Variants in DPP6 observed in about 807,000 individuals in gnomAD.
DPP6 encodes the protein A-type potassium channel modulatory protein DPP6.
Under a neutral mutation model 122.6 loss-of-function variants are expected in DPP6, and 69 were observed. That is an observed-to-expected ratio of 0.56 (90% CI 0.46 to 0.69). The LOEUF (loss-of-function observed/expected upper bound fraction) is 0.69, where lower values mean the gene tolerates loss of function less well. Among genes scored for constraint, DPP6 ranks in the 30% least tolerant of loss-of-function variants. The pLI is 0.00. For missense variants in DPP6, 928 were observed against 1,116.9 expected, an observed-to-expected ratio of 0.83 and a Z score of 2.41; for synonymous variants, 418 against 433.1, an observed-to-expected ratio of 0.97 and a Z score of 0.43.
At chr7:154,405,640 A>AGT (rs1816024078) in intron 1 of DPP6, among the ~76,000 whole-genome samples, 1 of 152,074 alleles carries the variant, frequency 6.6e-6, no homozygotes, top group Admixed American at 6.6e-5. Context: ...GAACAGGGCC[A>AGT]GGCAGTGTGA....
chr7:154,385,000 A>G (rs980468228), intron 1 of DPP6, among the ~76,000 whole-genome samples: 1 of 152,094 alleles, frequency 6.6e-6, no homozygotes, highest in Admixed American at 6.6e-5. Context: ...TTTGAGAGGG[A>G]GTCTCGCTCT....
rs1803628972 is a variant in DPP6, at chr7:154,863,876, A to C, written c.1715-4119A>C. Among the ~76,000 whole-genome samples, 1 of 152,152 alleles carries C rather than the reference A, an allele frequency of 6.6e-6. No individual in the cohort carries two copies. The highest frequency in any genetic ancestry group is 1.5e-5 in the Non-Finnish European group (1 of 68,034). ...AGGTGAGTAAGTTTAAACAGTAGTCATGCGGGCTCTGGGCCTGAATCTGGT... is the reference window on the plus strand; with the variant it reads ...AGGTGAGTAAGTTTAAACAGTAGTCCTGCGGGCTCTGGGCCTGAATCTGGT... On this transcript the variant is annotated intron_variant, in intron 17 of 25. Coordinates refer to ENST00000377770, the MANE Select transcript of DPP6 (RefSeq NM_130797.4). The surrounding 1 kb of genome is among the most constrained non-coding windows in gnomAD (Gnocchi z 4.1).
chr7:153,984,590 TACAG>T (rs1240600725), intron 1 of DPP6, among the ~76,000 whole-genome samples: 13 of 151,012 alleles, frequency 8.6e-5, no homozygotes, highest in African/African-American at 3.2e-4. Flanking sequence ...CCTATGGAAA[TACAG>T]ACTCCTGTTC....
intron 13 of DPP6, among the ~76,000 whole-genome samples, chr7:154,802,661 C>T (rs1034189881): frequency 2.0e-5 from 3 of 152,086 alleles, no homozygotes; most frequent in Non-Finnish European, 4.4e-5. Flanking sequence ...GAGTTCAAGA[C>T]CAGTGGCCAA....
At chr7:154,408,571 T>TG (rs1816317835) in intron 1 of DPP6, among the ~76,000 whole-genome samples, 1 of 152,194 alleles carries the variant, frequency 6.6e-6, no homozygotes, top group Admixed American at 6.5e-5. Context: ...TACTTTTCTG[T>TG]GGCACATTAG....
At chr7:154,325,480 A>T (rs76820731) in intron 1 of DPP6, among the ~76,000 whole-genome samples, 5 of 152,200 alleles carry the variant, frequency 3.3e-5, no homozygotes, top group Non-Finnish European at 7.3e-5. Context: ...TTCAAATACA[A>T]GCTGGGTCTT....
chr7:154,585,843 C>A (rs1832406203), intron 5 of DPP6, among the ~76,000 whole-genome samples: 2 of 151,780 alleles, frequency 1.3e-5, no homozygotes, highest in South Asian at 4.1e-4. Flanking sequence ...TCAGGGCCGA[C>A]TGTAATTCTG....
Position 154,659,911 on chromosome 7 carries a change from T to C in DPP6, c.681-9449T>C, listed in dbSNP as rs893430891. Reference sequence around the variant, plus strand: ...TAGCCATTGTTTCTCTTGATTTTCATGACCATTCTGTAGGACGAGGGTAGC... The same window carrying C: ...TAGCCATTGTTTCTCTTGATTTTCACGACCATTCTGTAGGACGAGGGTAGC... On this transcript the variant is annotated intron_variant, in intron 6 of 25. Transcript: ENST00000377770. Among the ~76,000 whole-genome samples the C allele has an allele frequency of 2.0e-5, 3 of 152,380 alleles. No homozygotes were observed. In the South Asian group the frequency reaches 6.2e-4, roughly 32 times the overall value.
chr7:154,063,381 GGGT>G (rs1802346187), intron 1 of DPP6, among the ~76,000 whole-genome samples: 3 of 133,216 alleles, frequency 2.3e-5, no homozygotes, highest in Non-Finnish European at 3.3e-5. Context: ...CCCCCCACGA[GGGT>G]GGGGACTGAG....
chr7:153,989,308 TG>T (rs1797023782), intron 1 of DPP6, among the ~76,000 whole-genome samples: 2 of 145,696 alleles, frequency 1.4e-5, no homozygotes, highest in Admixed American at 1.4e-4. Flanking sequence ...TGTGTGAGTG[TG>T]GGGAGTAAGA....
intron 3 of DPP6, among the ~76,000 whole-genome samples, chr7:154,519,347 A>C (rs1252768897): frequency 6.6e-6 from 1 of 152,242 alleles, no homozygotes; most frequent in Non-Finnish European, 1.5e-5. Context: ...AGCCAGCCAA[A>C]TTCAGACTCA....
chr7:154,759,814 G>A (rs1027784422), intron 8 of DPP6, among the ~76,000 whole-genome samples: 2 of 152,192 alleles, frequency 1.3e-5, no homozygotes, highest in African/African-American at 4.8e-5. Context: ...GTGACACCAG[G>A]ATTTTCAGAA....
intron 7 of DPP6, among the ~76,000 whole-genome samples, chr7:154,722,730 G>T: frequency 6.6e-6 from 1 of 152,040 alleles, no homozygotes. Context: ...AGATAGTGAA[G>T]GCCACACGTA....
intron 1 of DPP6, among the ~76,000 whole-genome samples, chr7:153,900,039 A>G (rs1053892995): frequency 6.6e-6 from 1 of 152,236 alleles, no homozygotes; most frequent in African/African-American, 2.4e-5. Context: ...CGTTATCAGC[A>G]TCAGCTGGGA....
intron 3 of DPP6, among the ~76,000 whole-genome samples, chr7:154,537,240 A>G (rs781713870): frequency 3.3e-5 from 5 of 152,196 alleles, no homozygotes; most frequent in Non-Finnish European, 7.3e-5. Context: ...AGTGGGCAAA[A>G]TAAATAAACC....
the DPP6 span, among the ~76,000 whole-genome samples, chr7:153,752,253 C>CT: frequency 0.033 from 4,599 of 138,374 alleles, 85 homozygotes; most frequent in African/African-American, 0.038. Context: ...ACCACAGCCT[C>CT]TTTTTTTTTT....
chr7:154,436,884 G>C (rs1288684809), intron 1 of DPP6, among the ~76,000 whole-genome samples: 2 of 152,120 alleles, frequency 1.3e-5, no homozygotes, highest in African/African-American at 4.8e-5. Context: ...GCCCACTGTG[G>C]AACTTTTTAC....
intron 1 of DPP6, among the ~76,000 whole-genome samples, chr7:154,134,710 C>T (rs946471738): frequency 2.0e-5 from 3 of 152,176 alleles, no homozygotes; most frequent in Non-Finnish European, 2.9e-5. Context: ...CGTACACTTC[C>T]TGTGAGCTTA....
the DPP6 span, among the ~76,000 whole-genome samples, chr7:153,823,268 G>C: frequency 6.6e-6 from 1 of 151,914 alleles, no homozygotes; most frequent in African/African-American, 2.4e-5. Flanking sequence ...TGACGGAGGG[G>C]AGAAGCTACA....
Sources: allele counts gnomAD v4.1 joint callset (sites outside exome capture counted in the v4.1 genomes callset), GRCh38; gene constraint gnomAD v4.1.1; non-coding constraint Gnocchi (gnomAD v3.1); transcripts MANE v1.5; gene names NCBI Gene and HGNC (gene_info 2026-07-23, HGNC 2026-07-21).